The following PLEKHD1 variants were observed in gnomAD, a reference collection of about 807,000 sequenced individuals.
The protein encoded by PLEKHD1 is pleckstrin homology and coiled-coil domain containing D1, also known as pleckstrin homology domain-containing family D member 1.
In PLEKHD1, 51 loss-of-function variants were observed where a neutral mutation model predicts 69.2. The ratio of observed to expected loss-of-function variants is 0.74; its 90% confidence interval spans 0.59 to 0.93. PLEKHD1 has a LOEUF of 0.93. Among genes scored for constraint, PLEKHD1 ranks in the 40% least tolerant of loss-of-function variants. PLEKHD1 has a pLI of 0.00. For synonymous variants in PLEKHD1, 236 were observed against 244.7 expected, an observed-to-expected ratio of 0.96 and a Z score of 0.33; for missense variants, 584 against 641.0, an observed-to-expected ratio of 0.91 and a Z score of 0.96.
chr14:69,503,046 T>A, intron 6 of PLEKHD1, 167 bp downstream of exon 6: 2 of 720,612 alleles, frequency 2.8e-6, no homozygotes. Flanking sequence ...GGACTTGCTG[T>A]AACTTGTTGG....
intron 4 of PLEKHD1, chr14:69,501,434 A>G: frequency 2.9e-6 from 1 of 344,778 alleles, no homozygotes; most frequent in Non-Finnish European, 5.3e-6. Flanking sequence ...GGTAGCGGAC[A>G]TTCAGTAATG....
chr14:69,479,789 T>C (rs1882510596), upstream of PLEKHD1, among the ~76,000 whole-genome samples: 1 of 152,202 alleles, frequency 6.6e-6, no homozygotes, highest in Non-Finnish European at 1.5e-5. Flanking sequence ...CTTAAACTTA[T>C]GTTAACACTA....
intron 1 of PLEKHD1, among the ~76,000 whole-genome samples, chr14:69,495,177 GAGA>G (rs1157567195): frequency 2.0e-5 from 3 of 152,176 alleles, no homozygotes; most frequent in Non-Finnish European, 2.9e-5. Flanking sequence ...GAAGCACGAG[GAGA>G]AGAAGGGATA....
At chr14:69,497,515 G>A (rs1273871789) in intron 1 of PLEKHD1, among the ~76,000 whole-genome samples, 1 of 152,268 alleles carries the variant, frequency 6.6e-6, no homozygotes, top group Non-Finnish European at 1.5e-5. Flanking sequence ...AATCAGTGTG[G>A]CCTGGGTGGG....
intron 1 of PLEKHD1, among the ~76,000 whole-genome samples, chr14:69,495,883 C>T (rs1404428732): frequency 1.3e-5 from 2 of 152,236 alleles, no homozygotes; most frequent in Non-Finnish European, 2.9e-5. Context: ...GCATCTGGCA[C>T]ATGACATCTC....
chr14:69,483,709 C>G (rs926299985), upstream of PLEKHD1, among the ~76,000 whole-genome samples: 1 of 152,284 alleles, frequency 6.6e-6, no homozygotes, highest in Admixed American at 6.5e-5. Context: ...AATCCGACTT[C>G]CAGAGGCGTC....
rs778354440 is a variant in PLEKHD1, at chr14:69,531,379, G to A, written c.*2960G>A. ...CTGAACAATCCATAAGTGTTTATTC[G>A]TTAAAAGCTCACTATGTACCTAGCA... On this transcript the variant is annotated 3_prime_UTR_variant, in exon 13 of 13. Coordinates refer to ENST00000322564, the MANE Select transcript of PLEKHD1 (RefSeq NM_001161498.2). The A allele has an allele frequency of 3.9e-5, 6 of 152,154 alleles. No individual in the cohort carries two copies. Among genetic ancestry groups the A allele is most frequent in the East Asian group, 1.9e-4 (1 of 5,200 alleles). The allele number at this position is 152,154 out of a possible 1,614,324, so 9.4% of individuals were successfully genotyped here. A position where few individuals can be genotyped will look rare whatever the true frequency, so the allele number is the denominator to read the frequency against.
the PLEKHD1 span, among the ~76,000 whole-genome samples, chr14:69,476,484 G>A: frequency 6.6e-6 from 1 of 152,008 alleles, no homozygotes; most frequent in Non-Finnish European, 1.5e-5. Flanking sequence ...AGGATTGCTT[G>A]AGCTCAGGAG....
upstream of PLEKHD1, among the ~76,000 whole-genome samples, chr14:69,480,976 G>A (rs1315981875): frequency 6.6e-6 from 1 of 152,206 alleles, no homozygotes; most frequent in Non-Finnish European, 1.5e-5. Context: ...TGAAGAGATG[G>A]ATTCCCTACG....
chr14:69,500,597 C>A lies in PLEKHD1; in HGVS notation c.264C>A (p.Gly88=). The change falls in exon 3 of 13, where the codon GGC becomes GGA. Residue 88 remains glycine (G), a synonymous_variant. Coordinates refer to ENST00000322564, the MANE Select transcript of PLEKHD1 (RefSeq NM_001161498.2). The part of the protein sequence containing the change: ...IHPKGVIPLG[G]CLVEPKEEPS... ...CTCAGGGCGTCATCCCTCTGGGGGG[C>A]TGCCTGGTGGAGCCCAAGGAAGAGC... is the stretch of plus-strand genomic sequence containing the variant. 1 of 1,550,710 alleles carries A rather than the reference C, an allele frequency of 6.4e-7. No homozygotes were observed. The highest frequency in any genetic ancestry group is 1.4e-5 in the African/African-American group (1 of 73,166).
chr14:69,524,158 C>T (rs1222262234), intron 7 of PLEKHD1, 71 bp from the exon 8 acceptor site: 2 of 1,260,722 alleles, frequency 1.6e-6, no homozygotes, highest in African/African-American at 3.0e-5. Context: ...AAAAGCATTT[C>T]TAAGTGCAGA....
chr14:69,490,996 A>G (rs1476682235), intron 1 of PLEKHD1, among the ~76,000 whole-genome samples: 1 of 152,200 alleles, frequency 6.6e-6, no homozygotes, highest in Non-Finnish European at 1.5e-5. Context: ...TAACTCACAC[A>G]TCCACTAGGC....
At chr14:69,494,965 C>T (rs1382599334) in intron 1 of PLEKHD1, among the ~76,000 whole-genome samples, 3 of 152,172 alleles carry the variant, frequency 2.0e-5, no homozygotes, top group African/African-American at 4.8e-5. Context: ...CCATCGTCCT[C>T]CTCCTCCAGG....
chr14:69,507,225 T>G lies in PLEKHD1; in HGVS notation c.555+4346T>G, dbSNP rs181645452. ...TTTTTACTGTATCCATAGTTTTGCC[T>G]TTTCCAGAATGTCATGTAGCTGGAG... On this transcript the variant is annotated intron_variant, in intron 6 of 12. Transcript: ENST00000322564. 1.1e-3 allele frequency among the ~76,000 whole-genome samples: 167 copies of G among 152,308 alleles called. 2 individuals carry two copies. The highest frequency in any genetic ancestry group is 0.011 in the Admixed American group (166 of 15,302).
intron 1 of PLEKHD1, among the ~76,000 whole-genome samples, chr14:69,496,642 G>C (rs75316798): frequency 7.3e-5 from 11 of 151,708 alleles, no homozygotes; most frequent in African/African-American, 2.4e-4. Context: ...CTGGACTCAA[G>C]TGATCCTCTC....
rs748979203 is a variant in PLEKHD1, at chr14:69,500,181, C to A, written c.216C>A (p.Thr72=). 1.7e-5 allele frequency: 26 copies of A among 1,549,562 alleles called. No homozygotes were observed. The South Asian group carries it at 2.1e-4, about 13-fold the overall frequency. Residue 72 remains threonine (T), a synonymous_variant, in exon 2 of 13, where the codon ACC becomes ACA. Transcript: ENST00000322564. Reference sequence around the variant, plus strand: ...AGAGCGAAAAAAAGAGCTTTGAAACCAATAAATACTTCAATATACATCCTA... The same window carrying A: ...AGAGCGAAAAAAAGAGCTTTGAAACAAATAAATACTTCAATATACATCCTA... ...YSESEKKSFE[T]NKYFNIHPKG... is the part of the protein sequence containing the mutation.
chr14:69,522,607 G>A (rs921941926), intron 7 of PLEKHD1, among the ~76,000 whole-genome samples: 3 of 152,190 alleles, frequency 2.0e-5, no homozygotes, highest in Admixed American at 2.0e-4. Context: ...CTACCCACTA[G>A]AGCATAAGGC....
At chr14:69,507,979 A>G (rs930702337) in intron 6 of PLEKHD1, among the ~76,000 whole-genome samples, 8 of 152,196 alleles carry the variant, frequency 5.3e-5, no homozygotes, top group African/African-American at 1.9e-4. Flanking sequence ...TTACAGGCAT[A>G]GCCACTGTAT....
chr14:69,487,525 G>A (rs564524443), intron 1 of PLEKHD1, among the ~76,000 whole-genome samples: 1 of 152,336 alleles, frequency 6.6e-6, no homozygotes, highest in South Asian at 2.1e-4. Flanking sequence ...ATAAGCTGGA[G>A]AGAACTGGCT....
Sources: gnomAD v4.1 joint callset for allele counts (sites outside exome capture counted in the v4.1 genomes callset) on GRCh38, gnomAD v4.1.1 for gene constraint, MANE v1.5 for transcripts, NCBI Gene and HGNC (gene_info 2026-07-23, HGNC 2026-07-21) for gene names.